EDARADD: variants seen among roughly 807,000 people sequenced by gnomAD.
EDARADD encodes the protein EDAR associated via death domain.
Under a neutral mutation model 25.6 loss-of-function variants are expected in EDARADD, and 20 were observed. The observed-to-expected ratio is 0.78, with a 90% CI of 0.55 to 1.14. The LOEUF (loss-of-function observed/expected upper bound fraction) is 1.14, where lower values mean the gene tolerates loss of function less well. Ranked by LOEUF, EDARADD falls within the 50% of genes most tolerant of loss-of-function variation. The probability of loss-of-function intolerance (pLI) is 0.00; values close to 1 mark genes in which losing one functional copy is unlikely to be tolerated. For missense variants in EDARADD, 225 were observed against 270.1 expected (o/e 0.83, Z 1.17); for synonymous variants, 86 against 94.4 (o/e 0.91, Z 0.52).
chr1:236,412,656 T>TGA (rs1657526475), intron 2 of EDARADD, among the ~76,000 whole-genome samples: 1 of 152,224 alleles, frequency 6.6e-6, no homozygotes, highest in Non-Finnish European at 1.5e-5. Flanking sequence ...CTGCTTCTTC[T>TGA]GAGTTCATCC....
At chr1:236,397,378 G>A (rs1265295039) in intron 1 of EDARADD, among the ~76,000 whole-genome samples, 1 of 151,920 alleles carries the variant, frequency 6.6e-6, no homozygotes, top group Non-Finnish European at 1.5e-5. Context: ...CAGCCTGGGT[G>A]ACAGAGCAAA....
chr1:236,452,246 T>C (rs988484667), intron 4 of EDARADD, among the ~76,000 whole-genome samples: 2 of 152,218 alleles, frequency 1.3e-5, no homozygotes, highest in Admixed American at 1.3e-4. Flanking sequence ...TTTCTCCTTA[T>C]GAGCAGAGGG....
intron 5 of EDARADD, among the ~76,000 whole-genome samples, chr1:236,471,239 T>C (rs551518567): frequency 6.6e-6 from 1 of 152,306 alleles, no homozygotes; most frequent in South Asian, 2.1e-4. Flanking sequence ...CGAAATCATG[T>C]TGTTTTTCCC....
intron 3 of EDARADD, among the ~76,000 whole-genome samples, chr1:236,353,705 G>T (rs1249142630): frequency 6.9e-6 from 1 of 144,316 alleles, no homozygotes; most frequent in African/African-American, 2.6e-5. Context: ...AAAAGATATT[G>T]GACTAAGGTT....
chr1:236,400,098 G>A (rs1667588504), intron 1 of EDARADD, among the ~76,000 whole-genome samples: 1 of 152,226 alleles, frequency 6.6e-6, no homozygotes, highest in Non-Finnish European at 1.5e-5. Context: ...GCAATCTGTG[G>A]TTTTCCCTTC....
chr1:236,383,311 C>G (rs1447197832), intron 3 of EDARADD, among the ~76,000 whole-genome samples: 1 of 150,730 alleles, frequency 6.6e-6, no homozygotes, highest in Non-Finnish European at 1.5e-5. Flanking sequence ...GAGAGAATCA[C>G]TTGAACCTAG....
chr1:236,395,535 C>T lies in EDARADD; in HGVS notation c.61+1030C>T. The T allele has an allele frequency of 6.5e-7, 1 of 1,537,110 alleles. No homozygotes were observed. On this transcript the variant is annotated intron_variant, in intron 1 of 5. Coordinates refer to ENST00000334232, the MANE Select transcript of EDARADD (RefSeq NM_145861.4). This position sits in a 1 kb window ranked among gnomAD's most constrained non-coding sequence, Gnocchi z 6.9. Reference sequence around the variant, plus strand: ...CGGTTTGCTCCAGGCGCGTCGGAACCGCAGGACTTTTCATCCCCGTGGTCC... The same window carrying T: ...CGGTTTGCTCCAGGCGCGTCGGAACTGCAGGACTTTTCATCCCCGTGGTCC...
At chr1:236,405,725 TTTTCTTTCTTTCTTTCTTTCTTTC>T (rs1227603633) in intron 1 of EDARADD, among the ~76,000 whole-genome samples, 15 of 120,436 alleles carry the variant, frequency 1.2e-4, no homozygotes, top group South Asian at 5.8e-4. Context: ...CTTCCTTTCT[TTTTCTTTCTTTCTTTCTTTCTTTC>T]TTTCTTTCTT....
At chr1:236,434,026 A>T (rs1658176519) in intron 4 of EDARADD, among the ~76,000 whole-genome samples, 1 of 152,130 alleles carries the variant, frequency 6.6e-6, no homozygotes, top group African/African-American at 2.4e-5. Flanking sequence ...GGTCATGATG[A>T]TGTCATGGTC....
intron 1 of EDARADD, among the ~76,000 whole-genome samples, chr1:236,404,584 G>T (rs1667674356): frequency 6.6e-6 from 1 of 152,124 alleles, no homozygotes; most frequent in Non-Finnish European, 1.5e-5. Context: ...AATCATAAAA[G>T]ACCTGACTAG....
At chr1:236,414,065 C>G (rs1657569574) in intron 2 of EDARADD, among the ~76,000 whole-genome samples, 195 bp from the exon 3 acceptor site, 1 of 152,188 alleles carries the variant, frequency 6.6e-6, no homozygotes. Flanking sequence ...CAGCATTAAC[C>G]TCTTGTCAAC....
At chr1:236,409,391 AT>A (rs1657360113) in intron 2 of EDARADD, 117 bp downstream of exon 2, 1 of 782,294 alleles carries the variant, frequency 1.3e-6, no homozygotes, top group East Asian at 2.6e-5. Context: ...CCAAAGTAAG[AT>A]TTTTCTAAGA....
intron 1 of EDARADD, among the ~76,000 whole-genome samples, chr1:236,404,068 G>A (rs1034407831): frequency 7.2e-5 from 11 of 152,186 alleles, no homozygotes; most frequent in Admixed American, 3.9e-4. Flanking sequence ...ATCCCGCACC[G>A]GCCCTGGCGA....
chr1:236,441,573 G>T (rs10925126), intron 4 of EDARADD, among the ~76,000 whole-genome samples: 27,494 of 148,736 alleles, frequency 0.18, 3,257 homozygotes, highest in East Asian at 0.59. Context: ...GACCAGGCTG[G>T]AGTGCAATGG....
chr1:236,454,378 C>T (rs1202965236), intron 4 of EDARADD, among the ~76,000 whole-genome samples: 2 of 152,178 alleles, frequency 1.3e-5, no homozygotes, highest in Non-Finnish European at 2.9e-5. Context: ...GGACACGCCC[C>T]TTTGTCTTTG....
intron 4 of EDARADD, among the ~76,000 whole-genome samples, chr1:236,438,646 C>G (rs982163184): frequency 6.6e-6 from 1 of 152,100 alleles, no homozygotes; most frequent in Non-Finnish European, 1.5e-5. Flanking sequence ...GCAAATCATC[C>G]GTAGTTGATT....
intron 3 of EDARADD, among the ~76,000 whole-genome samples, chr1:236,426,180 G>C (rs551159228): frequency 6.6e-6 from 1 of 151,876 alleles, no homozygotes; most frequent in Non-Finnish European, 1.5e-5. Flanking sequence ...GGTCTCACTG[G>C]GTTGCCCAGG....
chr1:236,457,828 A>T (rs1325035152), intron 4 of EDARADD, among the ~76,000 whole-genome samples: 5 of 147,552 alleles, frequency 3.4e-5, no homozygotes, highest in Admixed American at 6.7e-5. Context: ...CCCACCAAAA[A>T]AAAAAAAAAA....
At chr1:236,430,029 C>T (rs551457530) in intron 4 of EDARADD, among the ~76,000 whole-genome samples, 46 of 152,254 alleles carry the variant, frequency 3.0e-4, no homozygotes, top group African/African-American at 1.1e-3. Context: ...TTAATAGTAA[C>T]ATTGCTGGGT....
Sources: allele counts gnomAD v4.1 joint callset (sites outside exome capture counted in the v4.1 genomes callset), GRCh38; gene constraint gnomAD v4.1.1; non-coding constraint Gnocchi (gnomAD v3.1); transcripts MANE v1.5; gene names NCBI Gene and HGNC (gene_info 2026-07-23, HGNC 2026-07-21).